The following ARHGAP32 variants were observed in gnomAD, a reference collection of about 807,000 sequenced individuals.
The protein encoded by ARHGAP32 is rho GTPase-activating protein 32.
In ARHGAP32, 51 loss-of-function variants were observed where a neutral mutation model predicts 186.5. That is an observed-to-expected ratio of 0.27 (90% confidence interval 0.22 to 0.35). The LOEUF is 0.35. Among genes scored for constraint, ARHGAP32 ranks in the 10% least tolerant of loss-of-function variants. The pLI is 1.00. For synonymous variants in ARHGAP32, 950 were observed against 964.3 expected (o/e 0.99, Z 0.27); for missense variants, 2,186 against 2,623.5 (o/e 0.83, Z 3.64).
intron 1 of ARHGAP32, among the ~76,000 whole-genome samples, chr11:129,226,958 G>C (rs896223942): frequency 6.6e-6 from 1 of 152,010 alleles, no homozygotes; most frequent in Non-Finnish European, 1.5e-5. Context: ...AACTACATAG[G>C]TAAGTATGAA....
At chr11:129,098,833 A>C (rs1315246025) in intron 5 of ARHGAP32, among the ~76,000 whole-genome samples, 1 of 152,214 alleles carries the variant, frequency 6.6e-6, no homozygotes, top group African/African-American at 2.4e-5. Flanking sequence ...AAAAGAGGAG[A>C]CCATGGAGCT....
rs143353565 is a variant in ARHGAP32, at chr11:129,108,148, T to C, written c.445-14441A>G. On this transcript the variant is annotated intron_variant, in intron 5 of 22. Coordinates refer to ENST00000682385, the MANE Select transcript of ARHGAP32 (RefSeq NM_001378024.1). ...CAGCAAAATGGCATAAGTCCTTCCT[T>C]AAGAGTAATTACTACAAATGTAAAC... is the stretch of plus-strand genomic sequence containing the variant. Among the ~76,000 whole-genome samples, 76 of 152,234 alleles carry C rather than the reference T, an allele frequency of 5.0e-4. 1 individual carries two copies. In the East Asian group the frequency reaches 0.011, roughly 22 times the overall value.
At chr11:129,212,969 A>T (rs569902958) in intron 1 of ARHGAP32, among the ~76,000 whole-genome samples, 1 of 152,236 alleles carries the variant, frequency 6.6e-6, no homozygotes, top group South Asian at 2.1e-4. Context: ...GGGCTACCAA[A>T]CATGATTAAT....
chr11:129,146,291 C>T (rs1224597785), intron 2 of ARHGAP32, among the ~76,000 whole-genome samples: 1 of 151,936 alleles, frequency 6.6e-6, no homozygotes, highest in Non-Finnish European at 1.5e-5. Flanking sequence ...AACTGCAGTC[C>T]AAAAATGTAA....
intron 10 of ARHGAP32, among the ~76,000 whole-genome samples, chr11:129,052,921 T>C (rs867008787): frequency 7.9e-5 from 12 of 152,156 alleles, no homozygotes; most frequent in Middle Eastern, 3.4e-3. Context: ...TTTTAGAAAA[T>C]ACTTGTCATA....
intron 2 of ARHGAP32, among the ~76,000 whole-genome samples, chr11:129,149,699 A>C (rs1943247003): frequency 6.6e-6 from 1 of 152,194 alleles, no homozygotes; most frequent in South Asian, 2.1e-4. Context: ...GAACCAGAAA[A>C]GTAATTCTGG....
At chr11:129,100,303 C>A (rs1280025076) in intron 5 of ARHGAP32, among the ~76,000 whole-genome samples, 3 of 152,222 alleles carry the variant, frequency 2.0e-5, no homozygotes, top group African/African-American at 7.2e-5. Context: ...ATCTGACCAT[C>A]CCTTGGTGTG....
chr11:129,129,345 GC>G (rs916197765), intron 2 of ARHGAP32, among the ~76,000 whole-genome samples: 3 of 148,578 alleles, frequency 2.0e-5, no homozygotes, highest in African/African-American at 7.5e-5. Flanking sequence ...GAGCCCCTCC[GC>G]CCGGCAGCCG....
At chr11:129,247,182 G>A (rs1945111803) in intron 1 of ARHGAP32, among the ~76,000 whole-genome samples, 1 of 152,290 alleles carries the variant, frequency 6.6e-6, no homozygotes, top group African/African-American at 2.4e-5. Context: ...CTCAGGAGTA[G>A]AAAATTATTA....
intron 10 of ARHGAP32, among the ~76,000 whole-genome samples, chr11:129,054,181 G>A (rs2135097383): frequency 6.6e-6 from 1 of 151,492 alleles, no homozygotes; most frequent in East Asian, 1.9e-4. Context: ...TCATCTCATG[G>A]AAAACCAAGA....
At chr11:129,210,342 G>C (rs1441919211) in intron 1 of ARHGAP32, among the ~76,000 whole-genome samples, 1 of 152,128 alleles carries the variant, frequency 6.6e-6, no homozygotes, top group Non-Finnish European at 1.5e-5. Context: ...ACAACTGTAT[G>C]GGAAATTTTC....
intron 6 of ARHGAP32, among the ~76,000 whole-genome samples, chr11:129,088,116 A>T (rs956592982): frequency 1.3e-5 from 2 of 152,220 alleles, no homozygotes; most frequent in Non-Finnish European, 2.9e-5. Flanking sequence ...AAAAAGTCTA[A>T]TCTTTTATAT....
At chr11:129,201,681 C>CA (rs778626864) in intron 1 of ARHGAP32, among the ~76,000 whole-genome samples, 24 of 151,520 alleles carry the variant, frequency 1.6e-4, no homozygotes, top group East Asian at 9.7e-4. Flanking sequence ...TACATGAAAA[C>CA]AAAAAAAACA....
chr11:128,999,479 A>C (rs1243069667), intron 11 of ARHGAP32, among the ~76,000 whole-genome samples: 1 of 152,096 alleles, frequency 6.6e-6, no homozygotes, highest in East Asian at 1.9e-4. Flanking sequence ...TTGCCTTGTG[A>C]TGTTTTATTG....
At chr11:129,174,834 G>A (rs1158650494) in intron 1 of ARHGAP32, among the ~76,000 whole-genome samples, 1 of 150,910 alleles carries the variant, frequency 6.6e-6, no homozygotes, top group African/African-American at 2.4e-5. Context: ...AAACCACAAA[G>A]ATGGGGAAAA....
At chr11:129,063,635 G>T (rs1032953300) in intron 9 of ARHGAP32, among the ~76,000 whole-genome samples, 3 of 148,238 alleles carry the variant, frequency 2.0e-5, no homozygotes, top group Non-Finnish European at 4.4e-5. Flanking sequence ...TTCAGGTTTT[G>T]GGGGGTATGT....
At chr11:129,040,312 T>G (rs1396953355) in intron 11 of ARHGAP32, among the ~76,000 whole-genome samples, 1 of 152,098 alleles carries the variant, frequency 6.6e-6, no homozygotes, top group Non-Finnish European at 1.5e-5. Flanking sequence ...TCTCCAAAGC[T>G]TTTTAGACTT....
intron 1 of ARHGAP32, among the ~76,000 whole-genome samples, chr11:129,168,220 TG>T (rs1370614383): frequency 1.3e-5 from 2 of 152,192 alleles, no homozygotes; most frequent in Non-Finnish European, 2.9e-5. Flanking sequence ...TACTCCAGCC[TG>T]GGTGACAGAA....
At chr11:129,106,623 C>A (rs988935889) in intron 5 of ARHGAP32, among the ~76,000 whole-genome samples, 1 of 152,016 alleles carries the variant, frequency 6.6e-6, no homozygotes, top group African/African-American at 2.4e-5. Flanking sequence ...ACCTCAACAT[C>A]ACACAATATA....
Sources: gnomAD v4.1 joint callset for allele counts (sites outside exome capture counted in the v4.1 genomes callset) on GRCh38, gnomAD v4.1.1 for gene constraint, MANE v1.5 for transcripts, NCBI Gene and HGNC (gene_info 2026-07-23, HGNC 2026-07-21) for gene names.